The following MTHFD2L variants were observed in gnomAD, a reference collection of about 807,000 sequenced individuals.
The protein encoded by MTHFD2L is methylenetetrahydrofolate dehydrogenase (NADP+ dependent) 2 like.
Under a neutral mutation model 34.9 loss-of-function variants are expected in MTHFD2L, and 29 were observed. The ratio of observed to expected loss-of-function variants is 0.83; its 90% CI spans 0.62 to 1.13. MTHFD2L has a LOEUF of 1.13. MTHFD2L is among the 50% of genes most tolerant of loss of function. MTHFD2L has a pLI of 0.00. For synonymous variants in MTHFD2L, 167 were observed against 155.7 expected, an observed-to-expected ratio of 1.07 and a Z score of -0.54; for missense variants, 481 against 446.5, an observed-to-expected ratio of 1.08 and a Z score of -0.70.
intron 1 of MTHFD2L, among the ~76,000 whole-genome samples, chr4:74,163,677 A>G (rs1292213613): frequency 6.6e-6 from 1 of 152,200 alleles, no homozygotes; most frequent in Non-Finnish European, 1.5e-5. Context: ...CACACTTCAA[A>G]AGACTCCCTA....
chr4:74,184,798 A>T (rs1730830353), intron 3 of MTHFD2L, among the ~76,000 whole-genome samples: 1 of 152,198 alleles, frequency 6.6e-6, no homozygotes, highest in Non-Finnish European at 1.5e-5. Flanking sequence ...AAGAGAATTC[A>T]TGTCACACAA....
intron 3 of MTHFD2L, among the ~76,000 whole-genome samples, chr4:74,191,031 G>T (rs1340497286): frequency 2.6e-5 from 4 of 152,132 alleles, no homozygotes; most frequent in African/African-American, 9.7e-5. Context: ...TTCCTGAGTA[G>T]CTGGGAGTAC....
intron 5 of MTHFD2L, among the ~76,000 whole-genome samples, chr4:74,209,179 A>G (rs1392466055): frequency 2.0e-5 from 3 of 152,166 alleles, no homozygotes; most frequent in African/African-American, 7.2e-5. Flanking sequence ...TGACTGGTTA[A>G]AAAACAAAAA....
chr4:74,248,032 A>T (rs370549181), intron 6 of MTHFD2L, among the ~76,000 whole-genome samples: 3 of 151,950 alleles, frequency 2.0e-5, no homozygotes, highest in African/African-American at 7.3e-5. Flanking sequence ...TTTCTATTGA[A>T]TGGAATAGTT....
chr4:74,162,878 C>G (rs1725769732), intron 1 of MTHFD2L, among the ~76,000 whole-genome samples: 1 of 152,132 alleles, frequency 6.6e-6, no homozygotes, highest in Non-Finnish European at 1.5e-5. Flanking sequence ...CTTACTTTTT[C>G]TTCTTTTTGA....
chr4:74,116,750 C>T (rs1018717899), intron 2 of MTHFD2L, among the ~76,000 whole-genome samples: 9 of 152,172 alleles, frequency 5.9e-5, no homozygotes, highest in African/African-American at 1.4e-4. Context: ...ATGGCCAAAA[C>T]GATGAAACAG....
intron 6 of MTHFD2L, chr4:74,266,977 T>C (rs997318148): frequency 2.0e-6 from 2 of 985,326 alleles, no homozygotes; most frequent in African/African-American, 3.5e-5. Context: ...CTAATTGGTT[T>C]TTCAAGTTGA....
At chr4:74,188,989 C>G (rs1313810102) in intron 3 of MTHFD2L, among the ~76,000 whole-genome samples, 1 of 151,694 alleles carries the variant, frequency 6.6e-6, no homozygotes, top group East Asian at 1.9e-4. Flanking sequence ...GAATGACAGG[C>G]ACAGGACTCA....
intron 6 of MTHFD2L, chr4:74,267,597 T>G: frequency 2.7e-6 from 1 of 364,274 alleles, no homozygotes; most frequent in Non-Finnish European, 3.8e-6. Context: ...TTTGTTTGCT[T>G]GTTTGTTTGT....
chr4:74,200,698 G>A (rs563018890), intron 4 of MTHFD2L, among the ~76,000 whole-genome samples: 13 of 152,234 alleles, frequency 8.5e-5, no homozygotes, highest in African/African-American at 2.2e-4. Flanking sequence ...CTCCTACACT[G>A]TTAGTATTGG....
At chr4:74,153,027 C>T (rs1187778010) in intron 1 of MTHFD2L, among the ~76,000 whole-genome samples, 1 of 152,194 alleles carries the variant, frequency 6.6e-6, no homozygotes, top group African/African-American at 2.4e-5. Flanking sequence ...TTTGGCTCCA[C>T]TCCTGGTTTT....
chr4:74,176,336 T>G (rs527348932), intron 3 of MTHFD2L, among the ~76,000 whole-genome samples: 38 of 152,228 alleles, frequency 2.5e-4, no homozygotes, highest in African/African-American at 9.1e-4. Context: ...AACATAAGAC[T>G]TACCTTCGCT....
At chr4:74,140,576 C>T (rs572105814) in intron 1 of MTHFD2L, 3 of 972,714 alleles carry the variant, frequency 3.1e-6, no homozygotes, top group East Asian at 2.3e-4. Flanking sequence ...ACAAAAAAGG[C>T]AATATAATTC....
At chr4:74,209,020 G>A (rs1420712891) in intron 5 of MTHFD2L, among the ~76,000 whole-genome samples, 1 of 152,040 alleles carries the variant, frequency 6.6e-6, no homozygotes, top group Non-Finnish European at 1.5e-5. Flanking sequence ...CCAGTTGCTT[G>A]ACCATTTGGA....
rs558224613 is a variant in MTHFD2L at position 74,118,314 on chromosome 4, C to T, written c.-144+3657C>T. Among the ~76,000 whole-genome samples, 5 of 152,292 alleles carry T rather than the reference C, an allele frequency of 3.3e-5. No homozygotes were observed. In the South Asian group the frequency reaches 1.0e-3, roughly 32 times the overall value. On this transcript the variant is annotated intron_variant and NMD_transcript_variant, in intron 2 of 9. Transcript: ENST00000429519. ...ACACGAAAAAATACATAGGCCTCAG[C>T]TGTTCATTGGTGCCAGATAAAAATA...
At chr4:74,195,502 A>T (rs903289639) in intron 3 of MTHFD2L, 1 of 152,224 alleles carries the variant, frequency 6.6e-6, no homozygotes, top group Non-Finnish European at 1.5e-5. Flanking sequence ...GAAAGTCAAC[A>T]GATTTTCCAA....
chr4:74,199,966 C>T lies in MTHFD2L; in HGVS notation c.604+20C>T. The T allele has an allele frequency of 6.2e-7, 1 of 1,612,870 alleles. No individual in the cohort carries two copies. The highest frequency in any genetic ancestry group is 8.5e-7 in the Non-Finnish European group (1 of 1,179,272). Reference sequence around the variant, plus strand: ...GAACAGGTTGGTAATTTGTGGTCTGCAGGACATGGATGCTAGGTGCTGAGC... The same window carrying T: ...GAACAGGTTGGTAATTTGTGGTCTGTAGGACATGGATGCTAGGTGCTGAGC... On this transcript the variant is annotated intron_variant, in intron 4 of 7. Coordinates refer to ENST00000325278, the MANE Select transcript of MTHFD2L (RefSeq NM_001144978.3).
chr4:74,138,302 G>C (rs1723072808), intron 1 of MTHFD2L, among the ~76,000 whole-genome samples: 1 of 152,086 alleles, frequency 6.6e-6, no homozygotes, highest in Non-Finnish European at 1.5e-5. Flanking sequence ...CTTTGTTACA[G>C]GCGGGTCTTT....
chr4:74,199,180 CT>C (rs1206828248), intron 3 of MTHFD2L, among the ~76,000 whole-genome samples: 2 of 151,982 alleles, frequency 1.3e-5, no homozygotes, highest in African/African-American at 4.8e-5. Flanking sequence ...CATTTGATTA[CT>C]TTATTACTCA....
Sources: gnomAD v4.1 joint callset for allele counts (sites outside exome capture counted in the v4.1 genomes callset) on GRCh38, gnomAD v4.1.1 for gene constraint, MANE v1.5 for transcripts, NCBI Gene and HGNC (gene_info 2026-07-23, HGNC 2026-07-21) for gene names.